HS2ST1: variants seen among roughly 807,000 people sequenced by gnomAD.
The protein encoded by HS2ST1 is 2-O-sulfotransferase.
A neutral mutation model predicts 42.9 loss-of-function variants in HS2ST1; 18 were observed. That is an observed-to-expected ratio of 0.42 (90% CI 0.29 to 0.62). The LOEUF (loss-of-function observed/expected upper bound fraction) is 0.62, where lower values mean the gene tolerates loss of function less well. HS2ST1 is among the 20% of genes least tolerant of loss of function. The pLI is 0.21. For synonymous variants in HS2ST1, 146 were observed against 152.9 expected (o/e 0.95, Z 0.33); for missense variants, 334 against 433.8 (o/e 0.77, Z 2.04).
intron 1 of HS2ST1, among the ~76,000 whole-genome samples, chr1:87,008,351 A>T (rs1272912196): frequency 6.6e-6 from 1 of 152,188 alleles, no homozygotes; most frequent in Non-Finnish European, 1.5e-5. Flanking sequence ...TCAGTTAATG[A>T]CTCATATTTA....
At chr1:87,041,241 C>A (rs59887739) in intron 1 of HS2ST1, among the ~76,000 whole-genome samples, 9,815 of 19,414 alleles carry the variant, frequency 0.51, 2,028 homozygotes, top group Middle Eastern at 0.68. Context: ...AAAAAAAAAA[C>A]AAAAAAAAAA....
chr1:87,040,835 T>C (rs1557524708), intron 1 of HS2ST1, among the ~76,000 whole-genome samples: 2 of 152,036 alleles, frequency 1.3e-5, no homozygotes, highest in Non-Finnish European at 2.9e-5. Context: ...CTCAAAAAAC[T>C]GTAAAAGGTG....
chr1:86,939,312 T>C (rs1660718001), intron 1 of HS2ST1, among the ~76,000 whole-genome samples: 1 of 152,250 alleles, frequency 6.6e-6, no homozygotes, highest in South Asian at 2.1e-4. Flanking sequence ...TCTTCCATTG[T>C]CCTTTTGGCT....
At chr1:87,026,933 A>G (rs1650102637) in intron 1 of HS2ST1, among the ~76,000 whole-genome samples, 1 of 152,196 alleles carries the variant, frequency 6.6e-6, no homozygotes, top group African/African-American at 2.4e-5. Context: ...TTTAAAGTCA[A>G]CTGGTTTTTC....
chr1:86,915,227 A>G, intron 1 of HS2ST1, 67 bp downstream of exon 1: 1 of 1,538,854 alleles, frequency 6.5e-7, no homozygotes. Context: ...CCGCCGGAGC[A>G]AGTGGGCGTT....
At position 86,914,866 on chromosome 1, in the gene HS2ST1, G is replaced by T. The variant is rs551794247; in HGVS notation, c.-171G>T. 3.8e-5 allele frequency: 27 copies of T among 713,194 alleles called. No individual in the cohort carries two copies. In the East Asian group the frequency reaches 7.1e-4, roughly 19 times the overall value. The allele number at this position is 713,194 out of a possible 1,614,324, so 44.2% of individuals were successfully genotyped here. ...ACCAGCGGCGTTGGTGATAGCGCCT[G>T]GGGGAGGGGGACTGGAGAGGCGAGA... On this transcript the variant is annotated 5_prime_UTR_variant, in exon 1 of 7. Coordinates refer to ENST00000370550, the MANE Select transcript of HS2ST1 (RefSeq NM_012262.4).
At chr1:86,939,383 G>T (rs1001205657) in intron 1 of HS2ST1, among the ~76,000 whole-genome samples, 2 of 152,102 alleles carry the variant, frequency 1.3e-5, no homozygotes, top group African/African-American at 2.4e-5. Flanking sequence ...AAATTAATTT[G>T]AGCTGAAGTG....
chr1:87,037,672 T>C (rs1448416518), intron 1 of HS2ST1, among the ~76,000 whole-genome samples: 2 of 151,846 alleles, frequency 1.3e-5, no homozygotes, highest in Non-Finnish European at 2.9e-5. Flanking sequence ...AAATTGGGTA[T>C]GTATGTTCCT....
chr1:87,021,837 CGAT>C (rs1313768900), intron 1 of HS2ST1, among the ~76,000 whole-genome samples: 3 of 152,062 alleles, frequency 2.0e-5, no homozygotes, highest in African/African-American at 7.2e-5. Context: ...TTCATACCAC[CGAT>C]GATACTTCAG....
At chr1:87,078,640 T>C (rs1248927351) in intron 2 of HS2ST1, among the ~76,000 whole-genome samples, 1 of 152,238 alleles carries the variant, frequency 6.6e-6, no homozygotes, top group Non-Finnish European at 1.5e-5. Context: ...ATTGATACTA[T>C]TAAGTTTTGC....
At chr1:86,957,928 G>T (rs1647720750) in intron 1 of HS2ST1, among the ~76,000 whole-genome samples, 1 of 151,960 alleles carries the variant, frequency 6.6e-6, no homozygotes, top group Non-Finnish European at 1.5e-5. Context: ...GAGTAGCTGG[G>T]ATTACAGGCA....
chr1:87,091,697 T>C (rs1200975169), intron 3 of HS2ST1, among the ~76,000 whole-genome samples: 1 of 151,902 alleles, frequency 6.6e-6, no homozygotes, highest in Non-Finnish European at 1.5e-5. Flanking sequence ...CAAAATGACT[T>C]TGAAATTTTA....
At chr1:86,986,690 G>A (rs1184726653) in intron 1 of HS2ST1, among the ~76,000 whole-genome samples, 2 of 152,132 alleles carry the variant, frequency 1.3e-5, no homozygotes, top group Non-Finnish European at 2.9e-5. Flanking sequence ...GGAGGAGTGG[G>A]AAGCATGAAC....
At chr1:86,998,143 T>C (rs116613443) in intron 1 of HS2ST1, among the ~76,000 whole-genome samples, 148 of 152,344 alleles carry the variant, frequency 9.7e-4, no homozygotes, top group Non-Finnish European at 1.7e-3. Context: ...TTAAGTCATC[T>C]TTGTTTTTAT....
At position 87,042,587 on chromosome 1, in the gene HS2ST1, C is replaced by T. The variant is rs115310148; in HGVS notation, c.125-30347C>T. Among the ~76,000 whole-genome samples, 424 of 152,194 alleles carry T rather than the reference C, an allele frequency of 2.8e-3. 1 individual carries two copies. Among genetic ancestry groups the T allele is most frequent in the African/African-American group, 9.9e-3 (411 of 41,564 alleles). ...TATTTTTTGGATAGATATACCTTCA[C>T]TGTGCTAACTAGAGAGAGGAAGTAC... On this transcript the variant is annotated intron_variant, in intron 1 of 6. Coordinates refer to ENST00000370550, the MANE Select transcript of HS2ST1 (RefSeq NM_012262.4).
At chr1:87,042,196 T>C (rs939414993) in intron 1 of HS2ST1, among the ~76,000 whole-genome samples, 11 of 152,290 alleles carry the variant, frequency 7.2e-5, no homozygotes, top group Admixed American at 6.5e-4. Context: ...TATTGAGTTA[T>C]AGCAGTTTCT....
chr1:87,031,057 A>G (rs1650224004), intron 1 of HS2ST1, among the ~76,000 whole-genome samples: 1 of 152,114 alleles, frequency 6.6e-6, no homozygotes, highest in African/African-American at 2.4e-5. Context: ...CTTTCACCTC[A>G]GCCTCCTGAG....
intron 2 of HS2ST1, among the ~76,000 whole-genome samples, chr1:87,073,622 A>G (rs898557183): frequency 3.3e-5 from 5 of 152,206 alleles, no homozygotes; most frequent in African/African-American, 7.2e-5. Flanking sequence ...TTATAAATGT[A>G]TATATAGTTT....
intron 1 of HS2ST1, among the ~76,000 whole-genome samples, chr1:86,995,702 A>G (rs1279503300): frequency 3.3e-5 from 5 of 152,204 alleles, no homozygotes; most frequent in Admixed American, 1.3e-4. Flanking sequence ...TAACTGGTAG[A>G]TAAATTCTGG....
Sources: gnomAD v4.1 joint callset for allele counts (sites outside exome capture counted in the v4.1 genomes callset) on GRCh38, gnomAD v4.1.1 for gene constraint, MANE v1.5 for transcripts, NCBI Gene and HGNC (gene_info 2026-07-23, HGNC 2026-07-21) for gene names.